EXT2: variants seen among roughly 807,000 people sequenced by gnomAD.
EXT2 encodes exostosin glycosyltransferase 2, also known as exostosin-2.
Under a neutral mutation model 81.6 loss-of-function variants are expected in EXT2, and 53 were observed. The observed-to-expected ratio is 0.65, with a 90% CI of 0.52 to 0.82. The LOEUF (loss-of-function observed/expected upper bound fraction) is 0.82. Among genes scored for constraint, EXT2 ranks in the 40% least tolerant of loss-of-function variants. EXT2 has a pLI of 0.00. For synonymous variants in EXT2, 320 were observed against 340.0 expected, an observed-to-expected ratio of 0.94 and a Z score of 0.65; for missense variants, 774 against 910.2, an observed-to-expected ratio of 0.85 and a Z score of 1.93.
intron 7 of EXT2, among the ~76,000 whole-genome samples, chr11:44,140,742 A>C (rs1364658063): frequency 1.3e-5 from 2 of 152,226 alleles, no homozygotes; most frequent in Non-Finnish European, 2.9e-5. Flanking sequence ...CTCTTCTTCT[A>C]ACTAAAGCTT....
chr11:44,099,406 C>T (rs906868314), intron 1 of EXT2, among the ~76,000 whole-genome samples: 7 of 152,204 alleles, frequency 4.6e-5, no homozygotes, highest in African/African-American at 1.7e-4. Flanking sequence ...AGGATGGTCT[C>T]GATCTCCTGA....
chr11:44,235,945 C>T (rs1032010778), intron 12 of EXT2, among the ~76,000 whole-genome samples: 2 of 152,204 alleles, frequency 1.3e-5, no homozygotes, highest in Non-Finnish European at 2.9e-5. Flanking sequence ...TTATGGGAAG[C>T]TGTATTTCAT....
In EXT2 at chr11:44,180,741, G is replaced by T. The variant is rs569396005; in HGVS notation, c.1305+8999G>T. Among the ~76,000 whole-genome samples the T allele has an allele frequency of 1.5e-4, 23 of 152,128 alleles. No individual in the cohort carries two copies. In the South Asian group the frequency reaches 4.6e-3, roughly 30 times the overall value. ...TATTGTAACATCTTTCTCTGTTTTGGTTTTTTTCCAAAAGCTTCTTAAGAA... is the reference window on the plus strand; with the variant it reads ...TATTGTAACATCTTTCTCTGTTTTGTTTTTTTTCCAAAAGCTTCTTAAGAA... On this transcript the variant is annotated intron_variant, in intron 8 of 13. Coordinates refer to ENST00000533608, the MANE Select transcript of EXT2 (RefSeq NM_207122.2).
intron 7 of EXT2, among the ~76,000 whole-genome samples, chr11:44,143,284 GAGA>G (rs1389540764): frequency 6.6e-6 from 1 of 152,194 alleles, no homozygotes; most frequent in Non-Finnish European, 1.5e-5. Context: ...AACTATAGAA[GAGA>G]AGGAGTTCAA....
At chr11:44,198,177 G>A in intron 9 of EXT2, 159 bp downstream of exon 9, 1 of 786,800 alleles carries the variant, frequency 1.3e-6, no homozygotes, top group East Asian at 2.7e-5. Flanking sequence ...TTGTTCTAGG[G>A]TGGCCCATTT....
intron 1 of EXT2, among the ~76,000 whole-genome samples, chr11:44,099,040 C>T (rs1051409866): frequency 7.2e-5 from 11 of 152,006 alleles, no homozygotes; most frequent in Non-Finnish European, 1.0e-4. Context: ...TCTCCATTGT[C>T]GCCCAGACTG....
At chr11:44,213,197 A>G (rs1564979019) in intron 10 of EXT2, among the ~76,000 whole-genome samples, 1 of 152,206 alleles carries the variant, frequency 6.6e-6, no homozygotes, top group South Asian at 2.1e-4. Context: ...CTAGAAAAAG[A>G]AGAGTAAATT....
At chr11:44,234,377 A>G (rs1564987506) in intron 12 of EXT2, 134 bp downstream of exon 12, 9 of 861,658 alleles carry the variant, frequency 1.0e-5, no homozygotes, top group Non-Finnish European at 7.6e-6. Flanking sequence ...TTAAGGTTCT[A>G]TGATTGATGC....
In EXT2 at chr11:44,235,264, C is replaced by G. The variant is rs1452428109; in HGVS notation, c.1935+1021C>G. ...TTTTTTTTTTTTGGTGAGACTGAGT[C>G]TTGCTCTGTCACCAGGCTGGAGTGC... On this transcript the variant is annotated intron_variant, in intron 12 of 13. Transcript: ENST00000533608. Among the ~76,000 whole-genome samples the G allele has an allele frequency of 4.9e-5, 5 of 101,940 alleles. No individual in the cohort carries two copies. The East Asian group carries it at 1.3e-3, about 27-fold the overall frequency. 66.9% of individuals were successfully genotyped at this position (101,940 alleles called of 152,430 possible).
At chr11:44,168,076 G>A (rs544637260) in intron 7 of EXT2, among the ~76,000 whole-genome samples, 18 of 149,594 alleles carry the variant, frequency 1.2e-4, no homozygotes, top group Non-Finnish European at 1.5e-4. Context: ...GCGGTGTTTG[G>A]TTTTTTTTTC....
chr11:44,144,997 C>T (rs1177437588), intron 7 of EXT2, among the ~76,000 whole-genome samples: 3 of 152,114 alleles, frequency 2.0e-5, no homozygotes, highest in Non-Finnish European at 4.4e-5. Flanking sequence ...ATTCAGATCA[C>T]AGAAGTCCTA....
chr11:44,148,157 A>T (rs562528293), intron 7 of EXT2, among the ~76,000 whole-genome samples: 2 of 152,332 alleles, frequency 1.3e-5, no homozygotes, highest in East Asian at 1.9e-4. Context: ...CAACTGTGTT[A>T]CAATAAAAGA....
chr11:44,124,754 G>T, intron 4 of EXT2, 35 bp from the exon 5 acceptor site: 3 of 1,599,458 alleles, frequency 1.9e-6, no homozygotes, highest in Non-Finnish European at 2.6e-6. Context: ...CATACCAGCT[G>T]CAATTTTCCA....
intron 13 of EXT2, 75 bp from the exon 14 acceptor site, chr11:44,244,074 T>G (rs1268464401): frequency 1.5e-6 from 2 of 1,342,736 alleles, no homozygotes; most frequent in Admixed American, 1.7e-5. Context: ...TTGAACATAC[T>G]ATCTTTTCTC....
intron 8 of EXT2, among the ~76,000 whole-genome samples, chr11:44,182,113 C>T (rs766085352): frequency 3.3e-5 from 5 of 152,302 alleles, no homozygotes; most frequent in African/African-American, 4.8e-5. Context: ...GTCGGGTTCT[C>T]ATCCTTCATC....
intron 8 of EXT2, among the ~76,000 whole-genome samples, chr11:44,189,300 T>C (rs1955360007): frequency 6.6e-6 from 1 of 152,154 alleles, no homozygotes; most frequent in African/African-American, 2.4e-5. Context: ...ATTTTTCACA[T>C]GTCTGTTTAA....
At chr11:44,100,891 C>CA (rs1403142198) in intron 1 of EXT2, among the ~76,000 whole-genome samples, 9 of 152,012 alleles carry the variant, frequency 5.9e-5, no homozygotes, top group Admixed American at 5.9e-4. Flanking sequence ...TAGAGGTATG[C>CA]ACCTCTCTGA....
chr11:44,129,416 G>C (rs1954457084), intron 6 of EXT2, among the ~76,000 whole-genome samples: 1 of 152,082 alleles, frequency 6.6e-6, no homozygotes, highest in Non-Finnish European at 1.5e-5. Context: ...TCTTTACTCT[G>C]CTCCAGCCAC....
At chr11:44,190,430 A>G (rs1321461836) in intron 8 of EXT2, among the ~76,000 whole-genome samples, 1 of 152,182 alleles carries the variant, frequency 6.6e-6, no homozygotes, top group African/African-American at 2.4e-5. Context: ...TAGGTGCTGA[A>G]AAGCTTCTGT....
Sources: gnomAD v4.1 joint callset for allele counts (sites outside exome capture counted in the v4.1 genomes callset) on GRCh38, gnomAD v4.1.1 for gene constraint, MANE v1.5 for transcripts, NCBI Gene and HGNC (gene_info 2026-07-23, HGNC 2026-07-21) for gene names.